Variants in SHANK2 observed in about 807,000 individuals in gnomAD.
The protein encoded by SHANK2 is SH3 and multiple ankyrin repeat domains 2.
In SHANK2, 43 loss-of-function variants were observed where a neutral mutation model predicts 133.7. The observed-to-expected ratio is 0.32, with a 90% CI of 0.25 to 0.41. The LOEUF (loss-of-function observed/expected upper bound fraction) is 0.41. Ranked by LOEUF, SHANK2 falls within the 10% of genes least tolerant of loss-of-function variation. The pLI is 1.00. For missense variants in SHANK2, 1,994 were observed against 2,235.8 expected, an observed-to-expected ratio of 0.89 and a Z score of 2.18; for synonymous variants, 1,017 against 952.8, an observed-to-expected ratio of 1.07 and a Z score of -1.24.
At chr11:70,826,395 C>A in intron 11 of SHANK2, 1 of 467,038 alleles carries the variant, frequency 2.1e-6, no homozygotes, top group Non-Finnish European at 4.5e-6. Context: ...AGTCCTCCCT[C>A]TCCCCCACCC....
rs988313397 is a variant in SHANK2 at position 71,231,855 on chromosome 11, C to T, written c.-112-7059G>A. Among the ~76,000 whole-genome samples the T allele has an allele frequency of 2.6e-5, 4 of 151,768 alleles. 1 individual carries two copies. Among genetic ancestry groups the T allele is most frequent in the African/African-American group, 9.7e-5 (4 of 41,298 alleles). On this transcript the variant is annotated intron_variant, in intron 1 of 25. Coordinates refer to ENST00000601538, the MANE Select transcript of SHANK2 (RefSeq NM_012309.5). Reference sequence around the variant, plus strand: ...AGTGAGCCAAGATCATGCCACTGCACTCCAGCCTGGGTGACAGGGCCAGGT... The same window carrying T: ...AGTGAGCCAAGATCATGCCACTGCATTCCAGCCTGGGTGACAGGGCCAGGT...
At chr11:71,163,098 A>G (rs553540575) in intron 2 of SHANK2, among the ~76,000 whole-genome samples, 1 of 65,990 alleles carries the variant, frequency 1.5e-5, no homozygotes, top group Admixed American at 1.3e-4. Context: ...AAAAAAATAC[A>G]TATATATATA....
intron 9 of SHANK2, among the ~76,000 whole-genome samples, chr11:71,061,085 C>T (rs1009126643): frequency 1.3e-5 from 2 of 152,398 alleles, no homozygotes; most frequent in South Asian, 4.1e-4. Context: ...GTCAGTTCTG[C>T]TGTGCCCAGG....
At chr11:70,685,054 C>T (rs371330726) in intron 15 of SHANK2, among the ~76,000 whole-genome samples, 4 of 152,206 alleles carry the variant, frequency 2.6e-5, no homozygotes, top group East Asian at 1.9e-4. Context: ...TGCCTGAGGT[C>T]CCTGACCTCA....
At chr11:70,480,718 C>T (rs2058721742) in intron 25 of SHANK2, among the ~76,000 whole-genome samples, 1 of 152,198 alleles carries the variant, frequency 6.6e-6, no homozygotes, top group Non-Finnish European at 1.5e-5. Context: ...TCTGAGGGTC[C>T]AGGCATCCTT....
intron 14 of SHANK2, among the ~76,000 whole-genome samples, chr11:70,778,255 G>C (rs1353664721): frequency 1.3e-5 from 2 of 152,228 alleles, no homozygotes; most frequent in Admixed American, 6.5e-5. Flanking sequence ...AAATGCTGAT[G>C]GGCCAGGGTA....
In SHANK2 at chr11:70,487,315, C is replaced by T. The variant is rs1428738204; in HGVS notation, c.2978G>A (p.Gly993Glu). ...QMPENPYSEV[G>E]KIASKAVYVP... Reference sequence around the variant, plus strand: ...GTAGACGGCTTTGCTGGCGATCTTCCCCACCTCTGAGTATGGGTTTTCTGG... The same window carrying T: ...GTAGACGGCTTTGCTGGCGATCTTCTCCACCTCTGAGTATGGGTTTTCTGG... Residue 993 changes from glycine to glutamate, a missense_variant, in exon 25 of 26, where the codon GGG (glycine) becomes GAG (glutamate). Gly to Glu is a moderately conservative substitution (Grantham distance 98). This residue lies in a region of SHANK2 where 488 missense variants were observed against 642.6 expected (regional missense o/e 0.76). Coordinates refer to ENST00000601538, the MANE Select transcript of SHANK2 (RefSeq NM_012309.5). This position sits in a 1 kb window ranked among gnomAD's most constrained non-coding sequence, Gnocchi z 5.8. 6.8e-6 allele frequency: 11 copies of T among 1,614,200 alleles called. No homozygotes were observed. Among genetic ancestry groups the T allele is most frequent in the Non-Finnish European group, 9.3e-6 (11 of 1,180,036 alleles).
At chr11:70,878,815 C>A (rs1210751476) in intron 11 of SHANK2, among the ~76,000 whole-genome samples, 3 of 152,158 alleles carry the variant, frequency 2.0e-5, no homozygotes, top group African/African-American at 7.2e-5. Flanking sequence ...CGAGCTTGTT[C>A]CAGGGTCATG....
At chr11:70,530,737 A>T (rs997411054) in intron 17 of SHANK2, among the ~76,000 whole-genome samples, 1 of 151,958 alleles carries the variant, frequency 6.6e-6, no homozygotes, top group African/African-American at 2.4e-5. Flanking sequence ...GGGAGAAGAG[A>T]GAATGAAGAG....
At chr11:71,206,293 C>T (rs141953741) in intron 2 of SHANK2, among the ~76,000 whole-genome samples, 13 of 152,296 alleles carry the variant, frequency 8.5e-5, no homozygotes, top group African/African-American at 2.2e-4. Context: ...TCCGCACACC[C>T]GGATCTCCTC....
intron 6 of SHANK2, among the ~76,000 whole-genome samples, chr11:71,105,977 G>T (rs1443050012): frequency 6.6e-6 from 1 of 152,166 alleles, no homozygotes; most frequent in Non-Finnish European, 1.5e-5. Flanking sequence ...GACTCCAAGC[G>T]TGAACCTTCA....
intron 11 of SHANK2, among the ~76,000 whole-genome samples, chr11:70,889,653 C>T (rs988322608): frequency 2.0e-5 from 3 of 152,186 alleles, no homozygotes; most frequent in African/African-American, 7.2e-5. Context: ...TGGCGCTGGG[C>T]ATCTGCATTC....
intron 9 of SHANK2, among the ~76,000 whole-genome samples, chr11:71,071,566 G>A (rs1257467455): frequency 6.6e-6 from 1 of 152,262 alleles, no homozygotes; most frequent in Non-Finnish European, 1.5e-5. Flanking sequence ...ACAAAGGGCT[G>A]CAGAGAAAAA....
chr11:70,781,862 C>T (rs1328814780), intron 14 of SHANK2, among the ~76,000 whole-genome samples: 1 of 150,822 alleles, frequency 6.6e-6, no homozygotes, highest in Non-Finnish European at 1.5e-5. Context: ...GGAACCAACC[C>T]AAATGTCCAA....
chr11:71,097,904 G>A (rs1272168503), intron 6 of SHANK2, among the ~76,000 whole-genome samples: 1 of 151,994 alleles, frequency 6.6e-6, no homozygotes, highest in Non-Finnish European at 1.5e-5. Flanking sequence ...ATGGCTGTGT[G>A]TATGCACACC....
At chr11:70,636,387 G>A (rs1003093245) in intron 17 of SHANK2, among the ~76,000 whole-genome samples, 1 of 123,868 alleles carries the variant, frequency 8.1e-6, no homozygotes, top group Non-Finnish European at 1.9e-5. Context: ...GAGTCTGTGT[G>A]TATGAGTGTG....
At chr11:70,521,619 G>T (rs978158527) in intron 17 of SHANK2, among the ~76,000 whole-genome samples, 2 of 152,200 alleles carry the variant, frequency 1.3e-5, no homozygotes, top group African/African-American at 4.8e-5. Flanking sequence ...GAAATGAGCA[G>T]ATACCTGTGT....
intron 5 of SHANK2, among the ~76,000 whole-genome samples, 158 bp downstream of exon 5, chr11:71,113,135 G>A (rs7938379): frequency 0.03 from 4,558 of 152,268 alleles, 211 homozygotes; most frequent in African/African-American, 0.1. Flanking sequence ...AGTGTGCACC[G>A]TAAGGGCCAG....
At chr11:70,611,050 A>G (rs2060650884) in intron 17 of SHANK2, among the ~76,000 whole-genome samples, 1 of 152,230 alleles carries the variant, frequency 6.6e-6, no homozygotes, top group South Asian at 2.1e-4. Context: ...CTAGAGCCAT[A>G]GTGACTAAGA....
Sources: gnomAD v4.1 joint callset for allele counts (sites outside exome capture counted in the v4.1 genomes callset) on GRCh38, gnomAD v4.1.1 for gene constraint, gnomAD v4.1.1 regional missense constraint, Gnocchi (gnomAD v3.1) non-coding constraint, MANE v1.5 for transcripts, NCBI Gene and HGNC (gene_info 2026-07-23, HGNC 2026-07-21) for gene names.